Variants in FAM20C observed in about 807,000 individuals in gnomAD.
FAM20C encodes FAM20C golgi associated secretory pathway kinase.
A neutral mutation model predicts 51.5 loss-of-function variants in FAM20C; 40 were observed. That is an observed-to-expected ratio of 0.78 (90% CI 0.60 to 1.01). The LOEUF (loss-of-function observed/expected upper bound fraction) is 1.01, where lower values mean the gene tolerates loss of function less well. FAM20C is among the 50% of genes least tolerant of loss of function. The probability of loss-of-function intolerance (pLI) is 0.00; values close to 1 mark genes in which losing one functional copy is unlikely to be tolerated. For synonymous variants in FAM20C, 406 were observed against 380.6 expected, an observed-to-expected ratio of 1.07 and a Z score of -0.78; for missense variants, 861 against 844.7, an observed-to-expected ratio of 1.02 and a Z score of -0.24.
At position 250,034 on chromosome 7, in the gene FAM20C, G is replaced by A. The variant is rs140858425; in HGVS notation, c.1072+1604G>A. ...CCACTGGGGAGGGGCCCTCCGGATC[G>A]GAGGCTCTCACTGTAGGGGGCCTCA... On this transcript the variant is annotated intron_variant, in intron 5 of 9. Transcript: ENST00000313766. Among the ~76,000 whole-genome samples, 571 of 152,294 alleles carry A rather than the reference G, an allele frequency of 3.7e-3. 1 individual carries two copies. The highest frequency in any genetic ancestry group is 0.013 in the African/African-American group (528 of 41,570).
At chr7:241,735 G>T (rs901642145) in intron 3 of FAM20C, among the ~76,000 whole-genome samples, 3 of 151,884 alleles carry the variant, frequency 2.0e-5, no homozygotes, top group Non-Finnish European at 4.4e-5. Flanking sequence ...GTGAGCGCCC[G>T]TGTGTGTGTT....
At chr7:200,494 G>A (rs1202231480) in intron 2 of FAM20C, among the ~76,000 whole-genome samples, 1 of 152,198 alleles carries the variant, frequency 6.6e-6, no homozygotes, top group African/African-American at 2.4e-5. Context: ...TCATGCTGCT[G>A]AGGCCTGGGG....
At chr7:193,849 C>T (rs1043070492) in intron 1 of FAM20C, 45 bp downstream of exon 1, 42 of 1,538,952 alleles carry the variant, frequency 2.7e-5, no homozygotes, top group South Asian at 6.0e-5. Flanking sequence ...GAGCCGTGAG[C>T]CCAAGGCATG....
intron 2 of FAM20C, among the ~76,000 whole-genome samples, chr7:206,373 C>T (rs1024410290): frequency 3.3e-5 from 5 of 152,228 alleles, no homozygotes; most frequent in Non-Finnish European, 5.9e-5. Flanking sequence ...TGCTGCCCCA[C>T]GCTGGCCGCC....
At chr7:203,497 C>A (rs754074707) in intron 2 of FAM20C, among the ~76,000 whole-genome samples, 5 of 152,234 alleles carry the variant, frequency 3.3e-5, no homozygotes, top group African/African-American at 1.2e-4. Context: ...CCACCCATCC[C>A]GATGAGCACC....
At chr7:257,854 G>C (rs1208595849) in intron 8 of FAM20C, among the ~76,000 whole-genome samples, 20 of 106,374 alleles carry the variant, frequency 1.9e-4, no homozygotes, top group African/African-American at 6.2e-4. Flanking sequence ...CCCACTGCCT[G>C]GGGTGCTGGA....
chr7:254,287 G>A (rs765890589), intron 5 of FAM20C, among the ~76,000 whole-genome samples: 4 of 152,164 alleles, frequency 2.6e-5, no homozygotes, highest in East Asian at 1.9e-4. Context: ...CTGATCCCAC[G>A]GGGAGCCTGC....
rs1483403755 is a variant in FAM20C, at chr7:255,961, G to A, written c.1185G>A (p.Leu395=). 6.5e-7 allele frequency: 1 copy of A among 1,536,228 alleles called. No individual in the cohort carries two copies. The highest frequency in any genetic ancestry group is 2.0e-5 in the Admixed American group (1 of 50,994). The change falls in exon 6 of 10, where the codon CTG becomes CTA. Residue 395 remains leucine (L), a synonymous_variant. Coordinates refer to ENST00000313766, the MANE Select transcript of FAM20C (RefSeq NM_020223.4). The part of the protein sequence containing the change: ...EGSLAAFLPD[L]SLAKRKTWRN... ...CGCTGGCGGCCTTCCTGCCCGACCT[G>A]TCCCTGGCCAAGAGGAAGACCTGGC...
intron 5 of FAM20C, among the ~76,000 whole-genome samples, chr7:249,477 A>C (rs918534742): frequency 5.3e-5 from 8 of 152,250 alleles, no homozygotes; most frequent in Non-Finnish European, 1.0e-4. Flanking sequence ...GTGGTGGCTC[A>C]CGCCTGTAAT....
chr7:206,172 C>T (rs1786368998), intron 2 of FAM20C, among the ~76,000 whole-genome samples: 4 of 152,170 alleles, frequency 2.6e-5, no homozygotes, highest in Admixed American at 2.6e-4. Context: ...GCTCCACATC[C>T]CACGTCACTC....
intron 3 of FAM20C, among the ~76,000 whole-genome samples, chr7:209,737 C>A (rs1483848840): frequency 6.6e-6 from 1 of 152,202 alleles, no homozygotes. Context: ...GGCCTGATTT[C>A]CAACTTTCTA....
chr7:243,084 AAGAGACCTGTGCCACCCG>A (rs1788006409), intron 3 of FAM20C, among the ~76,000 whole-genome samples: 3 of 114,578 alleles, frequency 2.6e-5, no homozygotes, highest in African/African-American at 7.5e-5. Flanking sequence ...TGTGCCACCC[AAGAGACCTGTGCCACCCG>A]GGAGACCTGT....
intron 5 of FAM20C, among the ~76,000 whole-genome samples, chr7:248,652 G>T (rs1002692030): frequency 7.2e-6 from 1 of 139,708 alleles, no homozygotes; most frequent in African/African-American, 2.7e-5. Context: ...TCGCCAGGTA[G>T]CCTGGCACGG....
intron 3 of FAM20C, among the ~76,000 whole-genome samples, chr7:215,092 T>G (rs956256461): frequency 3.3e-5 from 5 of 151,950 alleles, no homozygotes; most frequent in African/African-American, 1.2e-4. Flanking sequence ...CAGCTACGTG[T>G]GTCCAGTCTC....
intron 2 of FAM20C, among the ~76,000 whole-genome samples, chr7:207,680 C>G (rs573850327): frequency 1.3e-5 from 2 of 152,272 alleles, no homozygotes; most frequent in African/African-American, 4.8e-5. Context: ...TGACCAGTCC[C>G]TGGTGTGGCC....
chr7:246,438 C>A lies in FAM20C; in HGVS notation c.887C>A (p.Pro296His). The A allele has an allele frequency of 6.8e-7, 1 of 1,468,734 alleles. No homozygotes were observed. The highest frequency in any genetic ancestry group is 8.9e-7 in the Non-Finnish European group (1 of 1,119,734). 91.0% of individuals were successfully genotyped at this position (1,468,734 alleles called of 1,614,324 possible). Residue 296 changes from proline (P) to histidine (H), a missense_variant, in exon 4 of 10, where the codon CCC (proline) becomes CAC (histidine). Physicochemically the swap from Pro to His is moderately conservative, Grantham distance 77. This residue lies in a region of FAM20C where 561 missense variants were observed against 499.8 expected (regional missense o/e 1.12). Coordinates refer to ENST00000313766, the MANE Select transcript of FAM20C (RefSeq NM_020223.4). ...PMKQTREQET[P>H]PDFFYFSDYE... ...AGACAAACGAGGGAGCAGGAGACAC[C>A]CCCTGACTTTTTTTATTTCTCTGAC...
At chr7:257,634 G>A (rs1276984168) in intron 8 of FAM20C, among the ~76,000 whole-genome samples, 1 of 152,186 alleles carries the variant, frequency 6.6e-6, no homozygotes, top group Non-Finnish European at 1.5e-5. Context: ...GCTAAACTGT[G>A]GGCTGACGCT....
chr7:212,759 A>G (rs554633726), intron 3 of FAM20C, among the ~76,000 whole-genome samples: 1 of 152,304 alleles, frequency 6.6e-6, no homozygotes, highest in South Asian at 2.1e-4. Flanking sequence ...CTTTTGCTTT[A>G]GGGTTACGTT....
chr7:258,637 T>C lies in FAM20C; in HGVS notation c.1446-9T>C. 2 of 1,536,798 alleles carry C rather than the reference T, an allele frequency of 1.3e-6. No homozygotes were observed. The highest frequency in any genetic ancestry group is 8.7e-7 in the Non-Finnish European group (1 of 1,146,582). Reference sequence around the variant, plus strand: ...GGGGCCCTTGACAATTCTGCTTTTCTTCTGGAAGGTTTGGGAAGTATTCGC... The same window carrying C: ...GGGGCCCTTGACAATTCTGCTTTTCCTCTGGAAGGTTTGGGAAGTATTCGC... On this transcript the variant is annotated splice_polypyrimidine_tract_variant and intron_variant, in intron 8 of 9. Transcript: ENST00000313766.
Sources: allele counts gnomAD v4.1 joint callset (sites outside exome capture counted in the v4.1 genomes callset), GRCh38; gene constraint gnomAD v4.1.1; regional missense constraint gnomAD v4.1.1; transcripts MANE v1.5; gene names NCBI Gene and HGNC (gene_info 2026-07-23, HGNC 2026-07-21).